The following DMD variants were observed in gnomAD, a reference collection of about 807,000 sequenced individuals.
DMD encodes mutant dystrophin.
A neutral mutation model predicts 330.1 loss-of-function variants in DMD; 63 were observed. That is an observed-to-expected ratio of 0.19 (90% CI 0.16 to 0.24). The LOEUF (loss-of-function observed/expected upper bound fraction) is 0.24, where lower values mean the gene tolerates loss of function less well. DMD is among the 10% of genes least tolerant of loss of function. The pLI is 1.00. For missense variants in DMD, 3,344 were observed against 2,684.1 expected, an observed-to-expected ratio of 1.25 and a Z score of -5.43; for synonymous variants, 1,223 against 959.8, an observed-to-expected ratio of 1.27 and a Z score of -5.07.
intron 7 of DMD, among the ~76,000 whole-genome samples, chrX:32,725,371 C>T (rs1389407695): frequency 9.0e-6 from 1 of 110,525 alleles, no homozygotes; most frequent in Non-Finnish European, 1.9e-5. Context: ...TATATACATG[C>T]TATGATTCTA....
intron 41 of DMD, among the ~76,000 whole-genome samples, chrX:32,332,863 A>G (rs945304475): frequency 9.0e-6 from 1 of 111,091 alleles, no homozygotes; most frequent in African/African-American, 3.3e-5. Context: ...TGAAAATTTG[A>G]AAGAACGGTG....
At chrX:31,564,358 C>T (rs945009482) in intron 55 of DMD, among the ~76,000 whole-genome samples, 2 of 111,503 alleles carry the variant, frequency 1.8e-5, no homozygotes, top group East Asian at 2.8e-4. Flanking sequence ...AAATGTGTAT[C>T]GTATGCTACC....
chrX:32,338,383 C>T lies in DMD; in HGVS notation c.5922+3717G>A, dbSNP rs187153870. Among the ~76,000 whole-genome samples, 929 of 110,125 alleles carry T rather than the reference C, an allele frequency of 8.4e-3. 9 individuals are homozygous for T. Among genetic ancestry groups the T allele is most frequent in the African/African-American group, 0.029 (866 of 30,307 alleles). On this transcript the variant is annotated intron_variant, in intron 41 of 78. Transcript: ENST00000357033. Reference sequence around the variant, plus strand: ...GAAATATTGTCTCTTCCCCATAATCCCTATTTTTTTCAACTTGAAACTTAT... The same window carrying T: ...GAAATATTGTCTCTTCCCCATAATCTCTATTTTTTTCAACTTGAAACTTAT...
At chrX:31,831,635 G>C (rs1165655177) in intron 49 of DMD, among the ~76,000 whole-genome samples, 2 of 111,382 alleles carry the variant, frequency 1.8e-5, no homozygotes, top group Non-Finnish European at 3.8e-5. Flanking sequence ...GTCTCACTCT[G>C]TCACCCAGGC....
chrX:32,612,467 C>T (rs1404970151), intron 12 of DMD, among the ~76,000 whole-genome samples: 1 of 111,458 alleles, frequency 9.0e-6, no homozygotes, highest in African/African-American at 3.3e-5. Flanking sequence ...TCTTTTAGTT[C>T]ACCAGCTATC....
At chrX:32,005,893 C>CTTCT (rs1198423234) in intron 44 of DMD, among the ~76,000 whole-genome samples, 1 of 111,115 alleles carries the variant, frequency 9.0e-6, no homozygotes, top group African/African-American at 3.3e-5. Flanking sequence ...AAATAATTTC[C>CTTCT]TGACAAGTAT....
chrX:32,548,625 C>A, intron 16 of DMD, among the ~76,000 whole-genome samples: 1 of 111,654 alleles, frequency 9.0e-6, no homozygotes, highest in Non-Finnish European at 1.9e-5. Flanking sequence ...TGATTTTTGA[C>A]AGAGAAAGTA....
intron 77 of DMD, among the ~76,000 whole-genome samples, chrX:31,133,196 G>A (rs1283949718): frequency 1.8e-5 from 2 of 111,915 alleles, no homozygotes; most frequent in African/African-American, 6.5e-5. Context: ...TCCCTCCCAG[G>A]CTACCCATTA....
At chrX:32,883,823 C>CCAA (rs1169678184) in intron 2 of DMD, among the ~76,000 whole-genome samples, 2 of 30,352 alleles carry the variant, frequency 6.6e-5, no homozygotes, top group African/African-American at 2.9e-4. Context: ...GACTCTGTTT[C>CCAA]AAAAAAAAAA....
chrX:31,868,546 T>G (rs2093838309), intron 48 of DMD, among the ~76,000 whole-genome samples: 1 of 111,935 alleles, frequency 8.9e-6, no homozygotes, highest in Admixed American at 9.5e-5. Flanking sequence ...ATTTGAGAAT[T>G]AAGTGCATAG....
chrX:32,406,616 G>T (rs898714498), intron 30 of DMD, among the ~76,000 whole-genome samples: 1 of 111,122 alleles, frequency 9.0e-6, no homozygotes, highest in Non-Finnish European at 1.9e-5. Flanking sequence ...CTTGGTCATG[G>T]TGCATAAGCT....
At chrX:32,953,742 CAA>C (rs1256024901) in intron 2 of DMD, among the ~76,000 whole-genome samples, 1 of 112,160 alleles carries the variant, frequency 8.9e-6, no homozygotes, top group African/African-American at 3.2e-5. Flanking sequence ...ATGGAATTTT[CAA>C]AGACAGTATG....
chrX:32,526,774 A>T (rs181547300), intron 17 of DMD, among the ~76,000 whole-genome samples: 1 of 112,609 alleles, frequency 8.9e-6, no homozygotes, highest in African/African-American at 3.2e-5. Flanking sequence ...TGAATTGTCA[A>T]TAGTAAAACA....
intron 60 of DMD, among the ~76,000 whole-genome samples, chrX:31,405,864 G>T (rs1261037675): frequency 1.8e-5 from 2 of 111,879 alleles, no homozygotes; most frequent in Admixed American, 1.9e-4. Flanking sequence ...ATTCAGAAGT[G>T]AAAGTTCCAA....
At chrX:31,935,180 T>C (rs1397851043) in intron 45 of DMD, among the ~76,000 whole-genome samples, 1 of 111,492 alleles carries the variant, frequency 9.0e-6, no homozygotes, top group African/African-American at 3.3e-5. Context: ...TCAGTGATTC[T>C]CTCGAAGTCT....
At chrX:31,198,842 A>G (rs2043164168) in intron 67 of DMD, among the ~76,000 whole-genome samples, 1 of 112,341 alleles carries the variant, frequency 8.9e-6, no homozygotes, top group African/African-American at 3.2e-5. Flanking sequence ...AAGATAGACT[A>G]AACAGCTATG....
chrX:31,611,703 A>G (rs1329563211), intron 55 of DMD, among the ~76,000 whole-genome samples: 1 of 110,786 alleles, frequency 9.0e-6, no homozygotes, highest in African/African-American at 3.3e-5. Flanking sequence ...TGGGACTACA[A>G]GCATGAGCTC....
rs772229363 is a variant in DMD, at chrX:32,545,225, T to G, written c.2102A>C (p.Glu701Ala). 1.5e-5 allele frequency: 18 copies of G among 1,209,119 alleles called. No individual in the cohort carries two copies. The East Asian group carries it at 5.3e-4, about 36-fold the overall frequency. Residue 701 changes from glutamate to alanine, a missense_variant, in exon 17 of 79, where the codon GAG becomes GCG. Glu to Ala is a moderately radical substitution (Grantham distance 107). Coordinates refer to ENST00000357033, the MANE Select transcript of DMD (RefSeq NM_004006.3). ...REQILVKHAQ[E>A]ELPPPPPQKK... ...TTGGGGAGGTGGTGGTGGAAGTTCCTCTTGAGCATGCTTTACCAGGATCTG... is the reference window on the plus strand; with the variant it reads ...TTGGGGAGGTGGTGGTGGAAGTTCCGCTTGAGCATGCTTTACCAGGATCTG...
rs751435164 is a variant in DMD, at chrX:31,945,853, T to G, written c.6615-13626A>C. 2.0e-4 allele frequency among the ~76,000 whole-genome samples: 22 copies of G among 111,944 alleles called. No homozygotes were observed. The South Asian group carries it at 7.8e-3, about 40-fold the overall frequency. ...TTATTATAGTTTTTGGTATCATGTC[T>G]AACTTTAGACTAAGATGTGTCTCCT... is the stretch of plus-strand genomic sequence containing the variant. On this transcript the variant is annotated intron_variant, in intron 45 of 78. Transcript: ENST00000357033.
Sources: gnomAD v4.1 joint callset for allele counts (sites outside exome capture counted in the v4.1 genomes callset) on GRCh38, gnomAD v4.1.1 for gene constraint, MANE v1.5 for transcripts, NCBI Gene and HGNC (gene_info 2026-07-23, HGNC 2026-07-21) for gene names.